POMT2: variants seen among roughly 807,000 people sequenced by gnomAD.
The protein encoded by POMT2 is protein O-mannosyl-transferase 2.
A neutral mutation model predicts 100.0 loss-of-function variants in POMT2; 75 were observed. The observed-to-expected ratio is 0.75, with a 90% CI of 0.62 to 0.91. POMT2 has a LOEUF of 0.91. Among genes scored for constraint, POMT2 ranks in the 40% least tolerant of loss-of-function variants. The probability of loss-of-function intolerance (pLI) is 0.00; values close to 1 mark genes in which losing one functional copy is unlikely to be tolerated. For synonymous variants in POMT2, 378 were observed against 374.1 expected, an observed-to-expected ratio of 1.01 and a Z score of -0.12; for missense variants, 940 against 955.1, an observed-to-expected ratio of 0.98 and a Z score of 0.21.
chr14:77,290,365 T>A (rs747923859), intron 10 of POMT2, among the ~76,000 whole-genome samples: 1 of 152,210 alleles, frequency 6.6e-6, no homozygotes, highest in Non-Finnish European at 1.5e-5. Context: ...CTCTGCCCAA[T>A]GGTGTCGTAA....
In POMT2 at chr14:77,277,223, A is replaced by C; in HGVS notation, c.*153T>G. 1 of 695,804 alleles carries C rather than the reference A, an allele frequency of 1.4e-6. No individual in the cohort carries two copies. The highest frequency in any genetic ancestry group is 2.6e-6 in the Non-Finnish European group (1 of 391,478). 43.1% of individuals were successfully genotyped at this position (695,804 alleles called of 1,614,324 possible). A position where few individuals can be genotyped will look rare whatever the true frequency, so the allele number is the denominator to read the frequency against. ...CCGGCTCTCTCCAATGCTGGGTTCC[A>C]TTCCAGCTGCACTCCCAGAGCTGGG... is the stretch of plus-strand genomic sequence containing the variant. On this transcript the variant is annotated 3_prime_UTR_variant, in exon 21 of 21. Coordinates refer to ENST00000261534, the MANE Select transcript of POMT2 (RefSeq NM_013382.7).
chr14:77,285,580 T>C lies in POMT2; in HGVS notation c.1385A>G (p.Lys462Arg). 25 of 1,613,932 alleles carry C rather than the reference T, an allele frequency of 1.5e-5. No individual in the cohort carries two copies. Among genetic ancestry groups the C allele is most frequent in the Non-Finnish European group, 2.0e-5 (24 of 1,179,834 alleles). The change falls in exon 13 of 21, where the codon AAA (lysine) becomes AGA (arginine). Residue 462 changes from lysine to arginine, a missense_variant. Lys to Arg is a conservative substitution (Grantham distance 26, BLOSUM62 2). Transcript: ENST00000261534. Reference protein sequence around the residue: ...DFWRIEVVNRKFGNRIKVLRS... With the variant: ...DFWRIEVVNRRFGNRIKVLRS... ...CAGCACTTTGATCCGGTTTCCAAAT[T>C]TCCTGTTTACGACCTCAATCCGCCA... is the stretch of plus-strand genomic sequence containing the variant.
intron 10 of POMT2, 126 bp from the exon 11 acceptor site, chr14:77,288,957 G>A: frequency 1.2e-6 from 1 of 800,406 alleles, no homozygotes; most frequent in Non-Finnish European, 2.1e-6. Context: ...GGTACTCTGA[G>A]ACCAAAGAGG....
At chr14:77,297,516 C>T (rs926718125) in intron 8 of POMT2, among the ~76,000 whole-genome samples, 1 of 152,222 alleles carries the variant, frequency 6.6e-6, no homozygotes, top group Admixed American at 6.5e-5. Flanking sequence ...CTATCAACCC[C>T]TCTCGCGTGG....
At chr14:77,277,775 T>C (rs1018478206) in intron 20 of POMT2, among the ~76,000 whole-genome samples, 1 of 152,204 alleles carries the variant, frequency 6.6e-6, no homozygotes, top group South Asian at 2.1e-4. Flanking sequence ...AACATGTGAA[T>C]GTAACCCTCT....
Position 77,315,262 on chromosome 14 carries a change from G to A in POMT2, c.249-3229C>T, listed in dbSNP as rs930216243. ...AAAGGGCCCCTAACCCTGAGGGAGC[G>A]ACACTGGGGAGGTCGTGATGCAAGC... On this transcript the variant is annotated intron_variant, in intron 1 of 20. Transcript: ENST00000261534. 4.6e-5 allele frequency among the ~76,000 whole-genome samples: 7 copies of A among 152,138 alleles called. No individual in the cohort carries two copies. In the South Asian group the frequency reaches 1.4e-3, roughly 31 times the overall value.
At chr14:77,278,951 T>C in intron 18 of POMT2, 82 bp from the exon 19 acceptor site, 1 of 1,504,176 alleles carries the variant, frequency 6.6e-7, no homozygotes, top group Non-Finnish European at 9.1e-7. Flanking sequence ...GCCCCTTCCT[T>C]GCTGTGTGAC....
intron 8 of POMT2, among the ~76,000 whole-genome samples, chr14:77,296,943 T>C (rs1890853477): frequency 6.6e-6 from 1 of 152,210 alleles, no homozygotes; most frequent in Non-Finnish European, 1.5e-5. Context: ...GGCCTGCCTG[T>C]GGCCCTGGAA....
intron 12 of POMT2, among the ~76,000 whole-genome samples, 153 bp from the exon 13 acceptor site, chr14:77,285,785 G>A (rs1169128341): frequency 6.6e-6 from 1 of 152,110 alleles, no homozygotes; most frequent in Admixed American, 6.5e-5. Context: ...GTTACAAGAA[G>A]GCCAAAGAAA....
At chr14:77,287,816 T>A (rs1189525575) in intron 11 of POMT2, 1 of 152,138 alleles carries the variant, frequency 6.6e-6, no homozygotes, top group Admixed American at 6.5e-5. Context: ...ACACGACCAA[T>A]CTAGGATCAT....
intron 2 of POMT2, among the ~76,000 whole-genome samples, chr14:77,307,475 C>G (rs1348911716): frequency 6.6e-6 from 1 of 152,180 alleles, no homozygotes; most frequent in Non-Finnish European, 1.5e-5. Flanking sequence ...GGCAGGGACC[C>G]CAGGGTTCAG....
rs554801559 is a variant in POMT2, at chr14:77,277,406, T to C, written c.2223A>G (p.Gly741=). The C allele has an allele frequency of 1.5e-4, 247 of 1,613,932 alleles. 3 individuals carry two copies. The South Asian group carries it at 2.6e-3, about 17-fold the overall frequency. ...AGTCCCATGAGTCCAGCCACCTTAG[T>C]CCTGCCATTGGACTTTGGGGGTCCT... ...LAQDPQSPMA[G]LRWLDSWDF is the part of the protein sequence containing the mutation. The change falls in exon 21 of 21, where the codon GGA becomes GGG. Residue 741 remains glycine (G), a synonymous_variant. Coordinates refer to ENST00000261534, the MANE Select transcript of POMT2 (RefSeq NM_013382.7).
intron 8 of POMT2, among the ~76,000 whole-genome samples, chr14:77,298,457 G>C (rs1055268100): frequency 6.6e-6 from 1 of 152,210 alleles, no homozygotes; most frequent in Non-Finnish European, 1.5e-5. Flanking sequence ...CTGGCTTGGA[G>C]AGCCACCAAG....
At chr14:77,281,942 G>A (rs1890251913) in intron 15 of POMT2, among the ~76,000 whole-genome samples, 1 of 152,168 alleles carries the variant, frequency 6.6e-6, no homozygotes, top group South Asian at 2.1e-4. Context: ...GTTCAGCAAG[G>A]GGCTGGGAAT....
chr14:77,320,546 C>G lies in POMT2; in HGVS notation c.136G>C (p.Ala46Pro). 1 of 1,564,918 alleles carries G rather than the reference C, an allele frequency of 6.4e-7. No homozygotes were observed. Among genetic ancestry groups the G allele is most frequent in the Non-Finnish European group, 8.6e-7 (1 of 1,161,340 alleles). ...GCCTCGAAGCGCCGTGAGCCCCAAGCAGGCCGTTTGGGGCTTCGCGCCACA... is the reference window on the plus strand; with the variant it reads ...GCCTCGAAGCGCCGTGAGCCCCAAGGAGGCCGTTTGGGGCTTCGCGCCACA... ...EAVARSPKRP[A>P]WGSRRFEAVG... Residue 46 changes from alanine to proline, a missense_variant, in exon 1 of 21, where the codon GCT becomes CCT. Transcript: ENST00000261534.
intron 2 of POMT2, chr14:77,306,825 C>A: frequency 3.9e-6 from 1 of 256,904 alleles, no homozygotes; most frequent in Non-Finnish European, 7.6e-6. Context: ...GGGGAATTGG[C>A]CTTTTGAAAG....
chr14:77,301,231 C>A lies in POMT2; in HGVS notation c.675G>T (p.Trp225Cys), dbSNP rs1891028207. Reference protein sequence around the residue: ...SCADRPFSAPWWFWLSLTGVS... With the variant: ...SCADRPFSAPCWFWLSLTGVS... Reference sequence around the variant, plus strand: ...CGCCAGTCAGGCTGAGCCAGAACCACCAGGGGGCAGAGAAGGGCCTGAAAA... The same window carrying A: ...CGCCAGTCAGGCTGAGCCAGAACCAACAGGGGGCAGAGAAGGGCCTGAAAA... Residue 225 changes from tryptophan to cysteine, a missense_variant, in exon 6 of 21, where the codon TGG becomes TGT. By Grantham distance (215) the Trp-to-Cys change is radical. Transcript: ENST00000261534. 1 of 1,614,036 alleles carries A rather than the reference C, an allele frequency of 6.2e-7. No individual in the cohort carries two copies. Among genetic ancestry groups the A allele is most frequent in the South Asian group, 1.1e-5 (1 of 91,080 alleles).
At chr14:77,293,504 T>C (rs1040310694) in intron 9 of POMT2, among the ~76,000 whole-genome samples, 3 of 152,244 alleles carry the variant, frequency 2.0e-5, no homozygotes, top group African/African-American at 7.2e-5. Flanking sequence ...TGGGATTACA[T>C]GTAGCTTTTG....
At chr14:77,288,644 G>A (rs1890526371) in intron 11 of POMT2, 118 bp downstream of exon 11, 4 of 848,620 alleles carry the variant, frequency 4.7e-6, no homozygotes, top group African/African-American at 3.4e-5. Flanking sequence ...TTCTCGCACT[G>A]TGGCCTTGCT....
Sources: allele counts gnomAD v4.1 joint callset (sites outside exome capture counted in the v4.1 genomes callset), GRCh38; gene constraint gnomAD v4.1.1; transcripts MANE v1.5; gene names NCBI Gene and HGNC (gene_info 2026-07-23, HGNC 2026-07-21).